GPC3: variants seen among roughly 807,000 people sequenced by gnomAD.
GPC3 encodes glypican-3.
Under a neutral mutation model 34.4 loss-of-function variants are expected in GPC3, and 3 were observed. The ratio of observed to expected loss-of-function variants is 0.09; its 90% confidence interval spans 0.04 to 0.23. The LOEUF is 0.23. GPC3 is among the 10% of genes least tolerant of loss of function. The pLI is 1.00. For missense variants in GPC3, 351 were observed against 445.6 expected (o/e 0.79, Z 1.91); for synonymous variants, 177 against 174.0 (o/e 1.02, Z -0.13).
At chrX:133,853,895 C>G (rs1258437762) in intron 2 of GPC3, among the ~76,000 whole-genome samples, 1 of 111,946 alleles carries the variant, frequency 8.9e-6, no homozygotes, top group Non-Finnish European at 1.9e-5. Flanking sequence ...CCTAGCTATG[C>G]TCTTATAGAA....
chrX:133,736,143 TC>T (rs985102137), intron 3 of GPC3, among the ~76,000 whole-genome samples: 7 of 111,370 alleles, frequency 6.3e-5, no homozygotes, highest in African/African-American at 2.3e-4. Context: ...ACATCATTAA[TC>T]ATAAGGGAAA....
chrX:133,809,210 T>C (rs2075651890), intron 2 of GPC3, among the ~76,000 whole-genome samples: 1 of 112,310 alleles, frequency 8.9e-6, no homozygotes, highest in African/African-American at 3.2e-5. Flanking sequence ...AATCCACAGC[T>C]ATATTTATGC....
intron 2 of GPC3, among the ~76,000 whole-genome samples, chrX:133,923,460 G>C: frequency 9.0e-6 from 1 of 111,513 alleles, no homozygotes; most frequent in East Asian, 2.8e-4. Flanking sequence ...CCCCCATCCT[G>C]AAATAGACGG....
chrX:133,981,945 T>C (rs1369785053), intron 1 of GPC3, among the ~76,000 whole-genome samples: 1 of 111,957 alleles, frequency 8.9e-6, no homozygotes, highest in African/African-American at 3.2e-5. Flanking sequence ...TTTTGGGAGT[T>C]GCAACACTAC....
rs140219741 is a variant in GPC3 at position 133,885,712 on chromosome X, T to C, written c.337+67338A>G. On this transcript the variant is annotated intron_variant, in intron 2 of 7. Transcript: ENST00000370818. ...CCAAACAAAGACTGGGAAGAAAAAA[T>C]AGAAAGATCAGATGACCATAAGTAG... is the stretch of plus-strand genomic sequence containing the variant. Among the ~76,000 whole-genome samples, 512 of 111,554 alleles carry C rather than the reference T, an allele frequency of 4.6e-3. 2 individuals are homozygous for C. Among genetic ancestry groups the C allele is most frequent in the African/African-American group, 0.016 (487 of 30,763 alleles).
chrX:133,844,343 A>G (rs1273480288), intron 2 of GPC3, among the ~76,000 whole-genome samples: 1 of 112,437 alleles, frequency 8.9e-6, no homozygotes, highest in Admixed American at 9.4e-5. Flanking sequence ...AATTAGCTTG[A>G]TTGTGATCAT....
At chrX:133,893,205 C>T (rs1310211891) in intron 2 of GPC3, among the ~76,000 whole-genome samples, 1 of 111,199 alleles carries the variant, frequency 9.0e-6, no homozygotes, top group Non-Finnish European at 1.9e-5. Flanking sequence ...TGCAGTGAGC[C>T]GAGGTCGCAC....
intron 7 of GPC3, among the ~76,000 whole-genome samples, chrX:133,578,874 T>C (rs1310867545): frequency 9.1e-6 from 1 of 109,948 alleles, no homozygotes; most frequent in East Asian, 2.9e-4. Flanking sequence ...ATGTCTGCTA[T>C]GGAGAGGGAT....
At chrX:133,838,276 A>G (rs1474405938) in intron 2 of GPC3, among the ~76,000 whole-genome samples, 1 of 112,386 alleles carries the variant, frequency 8.9e-6, no homozygotes, top group Non-Finnish European at 1.9e-5. Flanking sequence ...ATGCCAACCA[A>G]TCCTCATCTC....
At chrX:133,912,048 G>C (rs2076203005) in intron 2 of GPC3, among the ~76,000 whole-genome samples, 1 of 112,258 alleles carries the variant, frequency 8.9e-6, no homozygotes, top group African/African-American at 3.2e-5. Context: ...CAACACATTG[G>C]TATGTCCAGA....
rs188634885 is a variant in GPC3, at chrX:133,914,663, T to C, written c.337+38387A>G. Among the ~76,000 whole-genome samples, 111 of 110,265 alleles carry C rather than the reference T, an allele frequency of 1.0e-3. 1 individual carries two copies. Among genetic ancestry groups the C allele is most frequent in the African/African-American group, 3.6e-3 (108 of 30,339 alleles). Reference sequence around the variant, plus strand: ...GACAATAATGGTACCTTCCTCGAGGTGCTGTAAAGACTAATATGCTAGTAC... The same window carrying C: ...GACAATAATGGTACCTTCCTCGAGGCGCTGTAAAGACTAATATGCTAGTAC... On this transcript the variant is annotated intron_variant, in intron 2 of 7. Transcript: ENST00000370818.
intron 2 of GPC3, among the ~76,000 whole-genome samples, chrX:133,755,629 A>G (rs2071720110): frequency 8.9e-6 from 1 of 112,500 alleles, no homozygotes; most frequent in Admixed American, 9.4e-5. Context: ...TCTCTGAGGG[A>G]CACTAGCTTG....
chrX:133,905,375 A>G (rs1032875845), intron 2 of GPC3, among the ~76,000 whole-genome samples: 17 of 112,506 alleles, frequency 1.5e-4, no homozygotes, highest in African/African-American at 4.8e-4. Flanking sequence ...ACAGTTTCCA[A>G]TGGAGTTATC....
At chrX:133,838,911 G>A (rs1008883984) in intron 2 of GPC3, among the ~76,000 whole-genome samples, 1 of 111,786 alleles carries the variant, frequency 8.9e-6, no homozygotes, top group Non-Finnish European at 1.9e-5. Context: ...TATCGACCCA[G>A]TGTTAAGGGA....
intron 2 of GPC3, among the ~76,000 whole-genome samples, chrX:133,933,376 T>C (rs1054439720): frequency 1.8e-5 from 2 of 110,940 alleles, no homozygotes; most frequent in African/African-American, 6.6e-5. Context: ...TAGCCTCACC[T>C]GCAGGTTTAG....
intron 7 of GPC3, among the ~76,000 whole-genome samples, chrX:133,563,618 A>G (rs1391946763): frequency 8.9e-6 from 1 of 112,336 alleles, no homozygotes; most frequent in Non-Finnish European, 1.9e-5. Context: ...AGATTTTCAG[A>G]TATAAATCAA....
At chrX:133,841,484 C>T (rs2075824410) in intron 2 of GPC3, among the ~76,000 whole-genome samples, 1 of 109,724 alleles carries the variant, frequency 9.1e-6, no homozygotes, top group Admixed American at 9.9e-5. Flanking sequence ...ACTCCAATGT[C>T]AACTTCATGT....
At chrX:133,922,690 G>T (rs1228345920) in intron 2 of GPC3, among the ~76,000 whole-genome samples, 1 of 107,711 alleles carries the variant, frequency 9.3e-6, no homozygotes, top group Non-Finnish European at 1.9e-5. Flanking sequence ...GCCCCCAGAA[G>T]ATCTAGCTTG....
intron 7 of GPC3, among the ~76,000 whole-genome samples, chrX:133,590,609 G>T (rs969599492): frequency 9.0e-6 from 1 of 111,709 alleles, no homozygotes; most frequent in African/African-American, 3.3e-5. Flanking sequence ...TATTAGGTTG[G>T]CGCAAAATTA....
Sources: gnomAD v4.1 joint callset for allele counts (sites outside exome capture counted in the v4.1 genomes callset) on GRCh38, gnomAD v4.1.1 for gene constraint, MANE v1.5 for transcripts, NCBI Gene and HGNC (gene_info 2026-07-23, HGNC 2026-07-21) for gene names.